Variants in BTAF1 observed in about 807,000 individuals in gnomAD.
BTAF1 encodes TATA-binding protein-associated factor 172.
BTAF1 carries 38 observed loss-of-function variants against 227.1 expected under a neutral mutation model. That is an observed-to-expected ratio of 0.17 (90% CI 0.13 to 0.22). The LOEUF (loss-of-function observed/expected upper bound fraction) is 0.22, where lower values mean the gene tolerates loss of function less well. Among genes scored for constraint, BTAF1 ranks in the 10% least tolerant of loss-of-function variants. The pLI, the probability that BTAF1 is intolerant of heterozygous loss-of-function variation, is 1.00. For synonymous variants in BTAF1, 742 were observed against 751.9 expected (o/e 0.99, Z 0.21); for missense variants, 1,598 against 2,204.0 (o/e 0.73, Z 5.51).
At chr10:91,925,694 G>A (rs1026917148) in intron 1 of BTAF1, among the ~76,000 whole-genome samples, 3 of 152,066 alleles carry the variant, frequency 2.0e-5, no homozygotes, top group African/African-American at 7.2e-5. Flanking sequence ...TGTATTTTTA[G>A]TAGAGACGGG....
chr10:91,930,162 A>G (rs910515979), intron 1 of BTAF1, among the ~76,000 whole-genome samples: 12 of 152,194 alleles, frequency 7.9e-5, no homozygotes, highest in Non-Finnish European at 1.6e-4. Context: ...AATACATAAT[A>G]TGTATTAATA....
chr10:92,016,454 C>A lies in BTAF1; in HGVS notation c.4699C>A (p.His1567Asn). Residue 1567 changes from histidine (H) to asparagine (N), a missense_variant, in exon 33 of 38, where the codon CAC (histidine) becomes AAC (asparagine). Coordinates refer to ENST00000265990, the MANE Select transcript of BTAF1 (RefSeq NM_003972.3). ...TEKPKLKATGHVFQALQYLRK... is the reference protein window; with the variant it reads ...TEKPKLKATGNVFQALQYLRK... ...AAAACCAAAGCTTAAAGCTACAGGC[C>A]ACGTATTCCAGGTATAGATTACATT... 1.3e-6 allele frequency: 2 copies of A among 1,566,042 alleles called. No homozygotes were observed. Among genetic ancestry groups the A allele is most frequent in the Non-Finnish European group, 1.7e-6 (2 of 1,164,166 alleles).
At chr10:91,966,820 G>C (rs1403846456) in intron 14 of BTAF1, 63 bp downstream of exon 14, 1 of 1,480,918 alleles carries the variant, frequency 6.8e-7, no homozygotes. Flanking sequence ...AAATAAACCT[G>C]GTCTTTAGCT....
Position 92,013,970 on chromosome 10 carries a change from T to C in BTAF1, c.4525T>C (p.Leu1509=). The C allele has an allele frequency of 6.2e-7, 1 of 1,613,760 alleles. No homozygotes were observed. Among genetic ancestry groups the C allele is most frequent in the South Asian group, 1.1e-5 (1 of 91,066 alleles). ...TTTGAGAAGAATGAAAGAAGATGTTTTGCAGGATCTTCCACCTAAAATTAT... is the reference window on the plus strand; with the variant it reads ...TTTGAGAAGAATGAAAGAAGATGTTCTGCAGGATCTTCCACCTAAAATTAT... ...FLLRRMKEDV[L]QDLPPKIIQD... The change falls in exon 32 of 38, where the codon TTG becomes CTG. Residue 1509 remains leucine (L), a synonymous_variant. Coordinates refer to ENST00000265990, the MANE Select transcript of BTAF1 (RefSeq NM_003972.3).
At chr10:91,981,047 T>C (rs1460540848) in intron 15 of BTAF1, among the ~76,000 whole-genome samples, 2 of 152,146 alleles carry the variant, frequency 1.3e-5, no homozygotes, top group African/African-American at 4.8e-5. Flanking sequence ...TTTTGTACCT[T>C]TATAATCTGT....
chr10:92,000,790 G>A (rs922648661), intron 25 of BTAF1, among the ~76,000 whole-genome samples: 1 of 152,152 alleles, frequency 6.6e-6, no homozygotes, highest in Non-Finnish European at 1.5e-5. Flanking sequence ...CTGGCCTTAG[G>A]TGATCCGCCC....
intron 14 of BTAF1, among the ~76,000 whole-genome samples, chr10:91,971,646 A>C (rs1310058015): frequency 6.6e-6 from 1 of 151,592 alleles, no homozygotes; most frequent in Non-Finnish European, 1.5e-5. Context: ...TAATTTTTGT[A>C]TTTTTAGTAG....
intron 14 of BTAF1, among the ~76,000 whole-genome samples, chr10:91,968,129 T>C (rs1847053217): frequency 6.6e-6 from 1 of 152,214 alleles, no homozygotes; most frequent in African/African-American, 2.4e-5. Context: ...TGTACAATAA[T>C]ATGTACCCAC....
In BTAF1 at chr10:91,931,024, T is replaced by C. The variant is rs569854972; in HGVS notation, c.15-4633T>C. On this transcript the variant is annotated intron_variant, in intron 1 of 37. Transcript: ENST00000265990. ...AGTGGAAATACAGTATGTATTTGTT[T>C]ATTAACTATGACGTAGTAATCTAGG... is the stretch of plus-strand genomic sequence containing the variant. Among the ~76,000 whole-genome samples the C allele has an allele frequency of 2.0e-5, 3 of 152,368 alleles. No individual in the cohort carries two copies. The East Asian group carries it at 5.8e-4, about 29-fold the overall frequency.
At chr10:91,961,799 G>T (rs1846539270) in intron 11 of BTAF1, among the ~76,000 whole-genome samples, 1 of 152,080 alleles carries the variant, frequency 6.6e-6, no homozygotes, top group Non-Finnish European at 1.5e-5. Flanking sequence ...TCTGTTGGGG[G>T]AAATGAAAAG....
Position 91,994,656 on chromosome 10 carries a change from AT to A in BTAF1, c.3309+13del. 1 of 1,583,150 alleles carries A rather than the reference AT, an allele frequency of 6.3e-7. No homozygotes were observed. On this transcript the variant is annotated intron_variant, in intron 23 of 37. Coordinates refer to ENST00000265990, the MANE Select transcript of BTAF1 (RefSeq NM_003972.3). ...AGCTTCATCCCTTGGTAACTAACTA[AT>A]GCAAGTGTAATATTTCTTCAAATAA...
rs1486470311 is a variant in BTAF1 at position 91,962,684 on chromosome 10, T to C, written c.1404+6T>C. ...TCTATCTTCAGACACAAAAGGTAAATTAAATATTTTTACAGTTTCTTACTA... is the reference window on the plus strand; with the variant it reads ...TCTATCTTCAGACACAAAAGGTAAACTAAATATTTTTACAGTTTCTTACTA... On this transcript the variant is annotated splice_donor_region_variant and intron_variant, in intron 12 of 37. Transcript: ENST00000265990. The C allele has an allele frequency of 6.3e-7, 1 of 1,580,012 alleles. No individual in the cohort carries two copies. Among genetic ancestry groups the C allele is most frequent in the Admixed American group, 1.9e-5 (1 of 52,418 alleles).
Position 91,980,534 on chromosome 10 carries a change from G to A in BTAF1, c.1731G>A (p.Gln577=), listed in dbSNP as rs1391478128. The A allele has an allele frequency of 6.2e-7, 1 of 1,612,060 alleles. No homozygotes were observed. Among genetic ancestry groups the A allele is most frequent in the South Asian group, 1.1e-5 (1 of 90,934 alleles). Reference sequence around the variant, plus strand: ...AGTTCTGTGTTTTGGAAAGCAGCCAGGAAATTCTGGACCTTATTCACAAGG... The same window carrying A: ...AGTTCTGTGTTTTGGAAAGCAGCCAAGAAATTCTGGACCTTATTCACAAGG... ...IFQFCVLESS[Q]EILDLIHKVW... The change falls in exon 15 of 38, where the codon CAG becomes CAA. Residue 577 remains glutamine, a synonymous_variant. Transcript: ENST00000265990.
rs946968876 is a variant in BTAF1 at position 92,030,387 on chromosome 10, G to A, written c.*1454G>A. Reference sequence around the variant, plus strand: ...CTAGAAAGAGCAAAAGATTATTCAGGTATACAGGTTTTTTTTCATTGTTTA... The same window carrying A: ...CTAGAAAGAGCAAAAGATTATTCAGATATACAGGTTTTTTTTCATTGTTTA... On this transcript the variant is annotated 3_prime_UTR_variant, in exon 38 of 38. Transcript: ENST00000265990. 6.6e-6 allele frequency: 1 copy of A among 152,240 alleles called. No homozygotes were observed. The highest frequency in any genetic ancestry group is 1.5e-5 in the Non-Finnish European group (1 of 67,940). The allele number at this position is 152,240 out of a possible 1,614,324, so 9.4% of individuals were successfully genotyped here.
At position 92,013,917 on chromosome 10, in the gene BTAF1, C is replaced by A; in HGVS notation, c.4472C>A (p.Ala1491Glu). 1 of 1,613,692 alleles carries A rather than the reference C, an allele frequency of 6.2e-7. No homozygotes were observed. Among genetic ancestry groups the A allele is most frequent in the Non-Finnish European group, 8.5e-7 (1 of 1,179,938 alleles). The change falls in exon 32 of 38, where the codon GCG becomes GAG. Residue 1491 changes from alanine (A) to glutamate (E), a missense_variant. Physicochemically the swap from Ala to Glu is moderately radical, Grantham distance 107. Around this residue, in one of 10 missense-constraint regions of BTAF1, gnomAD observed 184 missense variants for 341.1 expected, o/e 0.54. Coordinates refer to ENST00000265990, the MANE Select transcript of BTAF1 (RefSeq NM_003972.3). ...TTAACAGGTGTTCTTGCTATGGATG[C>A]GCTGCACCGCCAAGTACTACCGTTT... ...EQEAGVLAMD[A>E]LHRQVLPFLL...
At chr10:91,929,452 A>C (rs1844119877) in intron 1 of BTAF1, among the ~76,000 whole-genome samples, 1 of 152,200 alleles carries the variant, frequency 6.6e-6, no homozygotes, top group East Asian at 1.9e-4. Flanking sequence ...GTTCAGAAAA[A>C]ACAAAAACAC....
intron 4 of BTAF1, among the ~76,000 whole-genome samples, chr10:91,944,773 G>C (rs1487655452): frequency 6.6e-6 from 1 of 152,046 alleles, no homozygotes; most frequent in Admixed American, 6.5e-5. Context: ...GGTCTCTTTA[G>C]ATTTGCTTAT....
chr10:91,929,814 CA>C (rs916791827), intron 1 of BTAF1, among the ~76,000 whole-genome samples: 1 of 137,782 alleles, frequency 7.3e-6, no homozygotes, highest in Non-Finnish European at 1.7e-5. Context: ...ATTGGCCTCC[CA>C]AATGCTGGGA....
intron 13 of BTAF1, among the ~76,000 whole-genome samples, chr10:91,966,280 A>G (rs543599611): frequency 6.6e-6 from 1 of 152,332 alleles, no homozygotes; most frequent in African/African-American, 2.4e-5. Context: ...AATCCTGATC[A>G]TGTAGGCTGA....
Sources: allele counts gnomAD v4.1 joint callset (sites outside exome capture counted in the v4.1 genomes callset), GRCh38; gene constraint gnomAD v4.1.1; regional missense constraint gnomAD v4.1.1; transcripts MANE v1.5; gene names NCBI Gene and HGNC (gene_info 2026-07-23, HGNC 2026-07-21).